The following TSPEAR variants were observed in gnomAD, a reference collection of about 807,000 sequenced individuals.
The protein encoded by TSPEAR is thrombospondin-type laminin G domain and EAR repeat-containing protein.
In TSPEAR, 69 loss-of-function variants were observed where a neutral mutation model predicts 71.6. That is an observed-to-expected ratio of 0.96 (90% confidence interval 0.79 to 1.18). The LOEUF is 1.18. Among genes scored for constraint, TSPEAR ranks in the 50% most tolerant of loss-of-function variants. The pLI is 0.00. For missense variants in TSPEAR, 971 were observed against 894.9 expected, an observed-to-expected ratio of 1.09 and a Z score of -1.09; for synonymous variants, 402 against 387.2, an observed-to-expected ratio of 1.04 and a Z score of -0.45.
At chr21:44,707,115 C>A (rs1488285384) in intron 1 of TSPEAR, among the ~76,000 whole-genome samples, 18 of 152,248 alleles carry the variant, frequency 1.2e-4, no homozygotes, top group Non-Finnish European at 2.4e-4. Flanking sequence ...TGGGGTTGGG[C>A]GAGCACCCCT....
chr21:44,652,878 G>A (rs587746252), intron 1 of TSPEAR, among the ~76,000 whole-genome samples: 19 of 152,096 alleles, frequency 1.2e-4, no homozygotes, highest in East Asian at 3.9e-4. Flanking sequence ...GTCTTCTGGC[G>A]GGGTGTGGTG....
Position 44,646,376 on chromosome 21 carries a change from C to T in TSPEAR, c.82+65057G>A. The T allele has an allele frequency of 6.5e-6, 10 of 1,537,484 alleles. No individual in the cohort carries two copies. The South Asian group carries it at 7.5e-5, about 12-fold the overall frequency. ...GGGAGGGATTTAAAAGCCCCACAGC[C>T]CTGAGCACCTCACTCACTCACTCAC... On this transcript the variant is annotated intron_variant, in intron 1 of 11. Transcript: ENST00000323084.
chr21:44,511,835 T>G (rs587601779), intron 9 of TSPEAR, among the ~76,000 whole-genome samples: 1 of 152,318 alleles, frequency 6.6e-6, no homozygotes, highest in East Asian at 1.9e-4. Context: ...CCCAGGGTGA[T>G]GGGGGACCCC....
At chr21:44,509,461 G>A in intron 9 of TSPEAR, 75 bp from the exon 10 acceptor site, 1 of 1,055,108 alleles carries the variant, frequency 9.5e-7, no homozygotes, top group African/African-American at 1.7e-5. Context: ...GCGCAGAGGT[G>A]TGGGGGAGCG....
At chr21:44,699,788 C>G (rs917318431) in intron 1 of TSPEAR, among the ~76,000 whole-genome samples, 1 of 152,222 alleles carries the variant, frequency 6.6e-6, no homozygotes, top group Non-Finnish European at 1.5e-5. Context: ...ACGCTTACGG[C>G]GGCCTCCAGG....
Position 44,546,624 on chromosome 21 carries a change from G to A in TSPEAR, c.304-12701C>T, listed in dbSNP as rs782003133. Among the ~76,000 whole-genome samples, 27 of 152,158 alleles carry A rather than the reference G, an allele frequency of 1.8e-4. No homozygotes were observed. Among genetic ancestry groups the A allele is most frequent in the Non-Finnish European group, 2.6e-4 (18 of 68,038 alleles). On this transcript the variant is annotated intron_variant, in intron 2 of 11. Coordinates refer to ENST00000323084, the MANE Select transcript of TSPEAR (RefSeq NM_144991.3). This position sits in a 1 kb window ranked among gnomAD's most constrained non-coding sequence, Gnocchi z 4.4. ...ATTACAGGCATGAGCCACTGCGCCC[G>A]GCCCCTCTTTCATTTTTGAAGGATA...
In TSPEAR at chr21:44,538,486, A is replaced by G. The variant is rs1224881124; in HGVS notation, c.304-4563T>C. ...GGGTTTTGGGGAATCCTGTGCCTCC[A>G]TCCGCCCACCCCATGATGCTTTTGT... On this transcript the variant is annotated intron_variant, in intron 2 of 11. Coordinates refer to ENST00000323084, the MANE Select transcript of TSPEAR (RefSeq NM_144991.3). Among the ~76,000 whole-genome samples, 5 of 146,914 alleles carry G rather than the reference A, an allele frequency of 3.4e-5. 1 individual carries two copies. Among genetic ancestry groups the G allele is most frequent in the African/African-American group, 1.0e-4 (4 of 39,218 alleles).
intron 1 of TSPEAR, among the ~76,000 whole-genome samples, chr21:44,685,863 C>T (rs1986834493): frequency 6.6e-6 from 1 of 152,180 alleles, no homozygotes; most frequent in South Asian, 2.1e-4. Context: ...TTACAAATTG[C>T]ACATCTGTAA....
intron 6 of TSPEAR, 102 bp downstream of exon 6, chr21:44,528,350 T>C (rs1011811038): frequency 2.4e-5 from 36 of 1,528,306 alleles, no homozygotes; most frequent in Admixed American, 3.6e-5. Context: ...CCTGAGGTCA[T>C]TCAGAGGTGG....
At chr21:44,666,654 A>G (rs782321780) in intron 1 of TSPEAR, 1 of 1,612,410 alleles carries the variant, frequency 6.2e-7, no homozygotes, top group East Asian at 2.2e-5. Flanking sequence ...CTGGCAGCTC[A>G]CGGGCACGCA....
intron 1 of TSPEAR, chr21:44,658,072 G>T (rs782513844): frequency 6.2e-7 from 1 of 1,613,992 alleles, no homozygotes; most frequent in Non-Finnish European, 8.5e-7. Flanking sequence ...TGAGCTGCCA[G>T]TCCTCCGTGT....
At chr21:44,512,073 AG>A (rs2052401207) in intron 9 of TSPEAR, among the ~76,000 whole-genome samples, 1 of 152,178 alleles carries the variant, frequency 6.6e-6, no homozygotes, top group Admixed American at 6.5e-5. Context: ...GAAGCAGGGA[AG>A]GGTATCCAGG....
chr21:44,585,410 G>T (rs781958315), intron 1 of TSPEAR, among the ~76,000 whole-genome samples: 3 of 152,004 alleles, frequency 2.0e-5, no homozygotes, highest in Non-Finnish European at 4.4e-5. Flanking sequence ...TCATCCCCTC[G>T]GTCCCATCTT....
rs782368448 is a variant in TSPEAR at position 44,580,348 on chromosome 21, A to G, written c.83-12343T>C. On this transcript the variant is annotated intron_variant, in intron 1 of 11. Coordinates refer to ENST00000323084, the MANE Select transcript of TSPEAR (RefSeq NM_144991.3). ...GCTGGCAGGGGGAGGAGGCGCAGCA[A>G]GCCGGCTGGCAGCACGAGGGCGTGC... 59 of 1,613,796 alleles carry G rather than the reference A, an allele frequency of 3.7e-5. No homozygotes were observed. In the Middle Eastern group the frequency reaches 8.4e-4, roughly 23 times the overall value.
chr21:44,518,685 T>C (rs1209462469), intron 9 of TSPEAR: 3 of 470,492 alleles, frequency 6.4e-6, no homozygotes, highest in Non-Finnish European at 1.3e-5. Context: ...CCCCACCAGC[T>C]CATTCGTTAG....
intron 1 of TSPEAR, among the ~76,000 whole-genome samples, chr21:44,709,761 A>AGAGC (rs1195509095): frequency 6.6e-6 from 1 of 152,268 alleles, no homozygotes; most frequent in Non-Finnish European, 1.5e-5. Flanking sequence ...AGAAGCCTAC[A>AGAGC]GAGCGAGCGC....
chr21:44,500,896 C>G (rs2052017463), intron 11 of TSPEAR, among the ~76,000 whole-genome samples: 1 of 152,168 alleles, frequency 6.6e-6, no homozygotes, highest in Admixed American at 6.5e-5. Context: ...ATGTCTGTTT[C>G]CATAGAAAGC....
chr21:44,565,130 A>G (rs782433168), intron 2 of TSPEAR, among the ~76,000 whole-genome samples: 5 of 152,174 alleles, frequency 3.3e-5, no homozygotes, highest in Non-Finnish European at 5.9e-5. Flanking sequence ...TATGAGATGC[A>G]GCAAAAGTAT....
chr21:44,637,243 T>C, intron 1 of TSPEAR: 2 of 833,476 alleles, frequency 2.4e-6, no homozygotes, highest in African/African-American at 3.4e-5. Context: ...ATAATGAGGG[T>C]CCTCCCGGCT....
Sources: allele counts gnomAD v4.1 joint callset (sites outside exome capture counted in the v4.1 genomes callset), GRCh38; gene constraint gnomAD v4.1.1; non-coding constraint Gnocchi (gnomAD v3.1); transcripts MANE v1.5; gene names NCBI Gene and HGNC (gene_info 2026-07-23, HGNC 2026-07-21).